The following ASIC2 variants were observed in gnomAD, a reference collection of about 807,000 sequenced individuals.
The protein encoded by ASIC2 is acid sensing ion channel subunit 2.
A neutral mutation model predicts 57.3 loss-of-function variants in ASIC2; 25 were observed. That is an observed-to-expected ratio of 0.44 (90% CI 0.32 to 0.61). The LOEUF (loss-of-function observed/expected upper bound fraction) is 0.61, where lower values mean the gene tolerates loss of function less well. Ranked by LOEUF, ASIC2 falls within the 20% of genes least tolerant of loss-of-function variation. ASIC2 has a pLI of 0.06. For missense variants in ASIC2, 641 were observed against 738.1 expected (o/e 0.87, Z 1.52); for synonymous variants, 319 against 307.5 (o/e 1.04, Z -0.39).
intron 1 of ASIC2, among the ~76,000 whole-genome samples, chr17:33,611,156 T>C (rs1905397125): frequency 6.6e-6 from 1 of 152,192 alleles, no homozygotes; most frequent in South Asian, 2.1e-4. Flanking sequence ...CTAGCCCTCC[T>C]GGTGCTGCCT....
At chr17:33,760,262 C>T (rs1409998055) in intron 1 of ASIC2, among the ~76,000 whole-genome samples, 1 of 151,732 alleles carries the variant, frequency 6.6e-6, no homozygotes, top group Admixed American at 6.6e-5. Context: ...GGAATGAAAG[C>T]AGGAAAAATA....
At chr17:33,250,023 T>C (rs896329735) in intron 1 of ASIC2, among the ~76,000 whole-genome samples, 2 of 152,162 alleles carry the variant, frequency 1.3e-5, no homozygotes, top group South Asian at 4.1e-4. Flanking sequence ...TCAGGGATTC[T>C]TGGGGCCAGA....
chr17:33,163,688 T>C (rs1267437635), intron 1 of ASIC2, among the ~76,000 whole-genome samples: 1 of 152,148 alleles, frequency 6.6e-6, no homozygotes, highest in African/African-American at 2.4e-5. Flanking sequence ...TGTAAGAATG[T>C]GGATCTCACA....
In ASIC2 at chr17:33,157,784, T is replaced by A. The variant is rs560695181; in HGVS notation, c.709-45717A>T. 2.6e-5 allele frequency among the ~76,000 whole-genome samples: 4 copies of A among 152,328 alleles called. No individual in the cohort carries two copies. The South Asian group carries it at 8.3e-4, about 32-fold the overall frequency. On this transcript the variant is annotated intron_variant, in intron 1 of 9. Coordinates refer to ENST00000225823, the MANE Select transcript of ASIC2 (RefSeq NM_183377.2). ...TGCAGCACAGCAGCTGGAGTGCTAA[T>A]AACGTTTCCCCGACACTGCCCTCCC...
chr17:33,489,072 C>T (rs774230399), intron 1 of ASIC2, among the ~76,000 whole-genome samples: 1 of 152,174 alleles, frequency 6.6e-6, no homozygotes, highest in Non-Finnish European at 1.5e-5. Context: ...AGACCACATA[C>T]CATTCCTGAT....
intron 1 of ASIC2, among the ~76,000 whole-genome samples, chr17:34,088,817 C>T (rs954006721): frequency 1.3e-5 from 2 of 152,342 alleles, no homozygotes; most frequent in East Asian, 3.9e-4. Flanking sequence ...AGCGAGACTC[C>T]GTGGGCGTAG....
intron 3 of ASIC2, among the ~76,000 whole-genome samples, chr17:33,071,218 C>G (rs1176949859): frequency 1.3e-5 from 2 of 152,146 alleles, no homozygotes; most frequent in Non-Finnish European, 2.9e-5. Context: ...CCCCATACTT[C>G]TTGAAACACT....
At chr17:33,666,218 C>T (rs1216918524) in intron 1 of ASIC2, among the ~76,000 whole-genome samples, 1 of 152,172 alleles carries the variant, frequency 6.6e-6, no homozygotes, top group African/African-American at 2.4e-5. Flanking sequence ...ACAGTAGGCA[C>T]TCAATAACTA....
At chr17:34,109,823 G>A (rs1393739102) in intron 1 of ASIC2, among the ~76,000 whole-genome samples, 1 of 152,266 alleles carries the variant, frequency 6.6e-6, no homozygotes, top group African/African-American at 2.4e-5. Flanking sequence ...TCACACAGCA[G>A]TCATGGATTA....
At chr17:33,719,090 C>G (rs942994603) in intron 1 of ASIC2, among the ~76,000 whole-genome samples, 1 of 152,162 alleles carries the variant, frequency 6.6e-6, no homozygotes, top group African/African-American at 2.4e-5. Flanking sequence ...CAATGGGAAC[C>G]TGCTACACAG....
chr17:33,776,585 G>C (rs1911286622), intron 1 of ASIC2, among the ~76,000 whole-genome samples: 1 of 152,190 alleles, frequency 6.6e-6, no homozygotes. Context: ...CCTTGGGCCT[G>C]GAACTCCTCG....
intron 1 of ASIC2, among the ~76,000 whole-genome samples, chr17:33,326,276 A>G (rs182503858): frequency 1.2e-4 from 19 of 152,356 alleles, no homozygotes; most frequent in African/African-American, 4.3e-4. Flanking sequence ...AATCGAGGTC[A>G]TTAACTTGAC....
chr17:33,862,012 G>C (rs894715809), intron 1 of ASIC2, among the ~76,000 whole-genome samples: 6 of 152,200 alleles, frequency 3.9e-5, no homozygotes, highest in Non-Finnish European at 8.8e-5. Flanking sequence ...TGATGCTTGA[G>C]CTGCACCACG....
chr17:33,163,444 C>T (rs977404961), intron 1 of ASIC2, among the ~76,000 whole-genome samples: 7 of 151,876 alleles, frequency 4.6e-5, no homozygotes, highest in African/African-American at 1.7e-4. Flanking sequence ...CTGCTTGCCT[C>T]TCATGAGGCT....
intron 1 of ASIC2, among the ~76,000 whole-genome samples, chr17:34,152,082 T>G (rs1485237120): frequency 6.6e-6 from 1 of 152,080 alleles, no homozygotes; most frequent in Non-Finnish European, 1.5e-5. Flanking sequence ...TGTGCAAGAA[T>G]TCCAAAGATG....
chr17:33,769,208 G>A (rs1403831160), intron 1 of ASIC2, among the ~76,000 whole-genome samples: 1 of 152,222 alleles, frequency 6.6e-6, no homozygotes, highest in Non-Finnish European at 1.5e-5. Context: ...CCATTGGGGT[G>A]TGGACAGTGG....
chr17:33,262,976 AG>A (rs1909338697), intron 1 of ASIC2, among the ~76,000 whole-genome samples: 1 of 152,200 alleles, frequency 6.6e-6, no homozygotes, highest in Non-Finnish European at 1.5e-5. Context: ...TAATGCAAAA[AG>A]ATGCGAGAAG....
intron 6 of ASIC2, among the ~76,000 whole-genome samples, chr17:33,023,107 C>A (rs1362657826): frequency 1.3e-5 from 2 of 151,896 alleles, no homozygotes; most frequent in Non-Finnish European, 2.9e-5. Flanking sequence ...TAAGGAGGAA[C>A]CAGTTAGGTG....
At chr17:33,575,870 A>G (rs1275761114) in intron 1 of ASIC2, among the ~76,000 whole-genome samples, 1 of 152,208 alleles carries the variant, frequency 6.6e-6, no homozygotes, top group Non-Finnish European at 1.5e-5. Context: ...CCAAGAGAGC[A>G]AACGCCCCAC....
Sources: allele counts gnomAD v4.1 joint callset (sites outside exome capture counted in the v4.1 genomes callset), GRCh38; gene constraint gnomAD v4.1.1; transcripts MANE v1.5; gene names NCBI Gene and HGNC (gene_info 2026-07-23, HGNC 2026-07-21).